The following TTK variants were observed in gnomAD, a reference collection of about 807,000 sequenced individuals.
TTK encodes TTK protein kinase.
Under a neutral mutation model 117.3 loss-of-function variants are expected in TTK, and 59 were observed. The ratio of observed to expected loss-of-function variants is 0.50; its 90% CI spans 0.41 to 0.62. TTK has a LOEUF of 0.62. Ranked by LOEUF, TTK falls within the 20% of genes least tolerant of loss-of-function variation. The pLI is 0.00. For missense variants in TTK, 921 were observed against 989.4 expected (o/e 0.93, Z 0.93); for synonymous variants, 302 against 325.0 (o/e 0.93, Z 0.76).
intron 10 of TTK, among the ~76,000 whole-genome samples, chr6:80,019,297 G>C (rs1767397551): frequency 6.6e-6 from 1 of 152,158 alleles, no homozygotes. Flanking sequence ...GACAAGAAAT[G>C]AGGTGTGATG....
intron 6 of TTK, 40 bp from the exon 7 acceptor site, chr6:80,011,689 T>C (rs1389600268): frequency 1.9e-6 from 3 of 1,601,284 alleles, no homozygotes; most frequent in Non-Finnish European, 2.6e-6. Context: ...CATATTAATA[T>C]TGTTCTTTGA....
chr6:80,004,990 C>T (rs865993812), intron 1 of TTK: 2 of 152,222 alleles, frequency 1.3e-5, no homozygotes, highest in African/African-American at 2.4e-5. Flanking sequence ...CGCACAAGAT[C>T]GTTTTCCAAA....
chr6:80,034,465 C>G (rs1227760699), intron 14 of TTK, among the ~76,000 whole-genome samples: 2 of 152,156 alleles, frequency 1.3e-5, no homozygotes, highest in African/African-American at 4.8e-5. Flanking sequence ...ATTGAATTGA[C>G]TCTGTATCAT....
chr6:80,022,511 C>T, intron 11 of TTK, 39 bp downstream of exon 11: 1 of 1,594,838 alleles, frequency 6.3e-7, no homozygotes, highest in Non-Finnish European at 8.5e-7. Flanking sequence ...CTTTTTTGTT[C>T]ATAATGCATT....
rs200609571 is a variant in TTK at position 80,028,006 on chromosome 6, T to G, written c.1516T>G (p.Leu506Val). ...HQILATPLQN[L>V]QVLASSSANE... ...AATACTTGCCACTCCACTTCAAAAT[T>G]TACAGGTTCGATAAGCTTTATATAT... The change falls in exon 13 of 22, where the codon TTA becomes GTA. Residue 506 changes from leucine (L) to valine (V), a missense_variant. Physicochemically the swap from Leu to Val is conservative, Grantham distance 32. Coordinates refer to ENST00000369798, the MANE Select transcript of TTK (RefSeq NM_003318.5). 7 of 1,599,172 alleles carry G rather than the reference T, an allele frequency of 4.4e-6. No individual in the cohort carries two copies. The African/African-American group carries it at 9.4e-5, about 22-fold the overall frequency.
rs1238412070 is a variant in TTK, at chr6:80,011,534, C to G, written c.714C>G (p.Ala238=). ...ATTCCAGAGGACAGACTACTAAAGC[C>G]AGGTTTTTATATGGGTAAGGAAACG... ...SCDSRGQTTK[A]RFLYGENMPP... The change falls in exon 6 of 22, where the codon GCC becomes GCG. Residue 238 remains alanine (A), a synonymous_variant. Coordinates refer to ENST00000369798, the MANE Select transcript of TTK (RefSeq NM_003318.5). 1 of 1,602,132 alleles carries G rather than the reference C, an allele frequency of 6.2e-7. No individual in the cohort carries two copies. Among genetic ancestry groups the G allele is most frequent in the East Asian group, 2.2e-5 (1 of 44,728 alleles).
chr6:80,025,689 T>C (rs1056205544), intron 11 of TTK, among the ~76,000 whole-genome samples: 2 of 152,174 alleles, frequency 1.3e-5, no homozygotes, highest in African/African-American at 4.8e-5. Context: ...CCATAGACAA[T>C]ATGTAAACAA....
At chr6:80,022,070 G>A (rs900181427) in intron 10 of TTK, among the ~76,000 whole-genome samples, 3 of 152,162 alleles carry the variant, frequency 2.0e-5, no homozygotes, top group Non-Finnish European at 4.4e-5. Context: ...TGGTAAAGAA[G>A]CATTTAAATG....
At chr6:80,015,671 T>C (rs1767288773) in intron 10 of TTK, among the ~76,000 whole-genome samples, 1 of 152,234 alleles carries the variant, frequency 6.6e-6, no homozygotes, top group South Asian at 2.1e-4. Flanking sequence ...TTGTAACTGG[T>C]ATGATTGAGA....
intron 2 of TTK, 27 bp from the exon 3 acceptor site, chr6:80,007,782 G>A (rs986104281): frequency 1.3e-6 from 2 of 1,561,854 alleles, no homozygotes; most frequent in Non-Finnish European, 1.7e-6. Context: ...GTCTTTTCTT[G>A]TGATATATTT....
chr6:80,018,751 CCATTCTTGTCT>C (rs1767382184), intron 10 of TTK, among the ~76,000 whole-genome samples: 1 of 151,918 alleles, frequency 6.6e-6, no homozygotes. Flanking sequence ...ATGATAGGTG[CCATTCTTGTCT>C]CATTCCTTAT....
rs1245495604 is a variant in TTK, at chr6:80,029,543, G to A, written c.1521+1532G>A. On this transcript the variant is annotated intron_variant, in intron 13 of 21. Transcript: ENST00000369798. ...CTGTTTGAGTTGCAATCCAGAAGAC[G>A]AGTCACAGATGACAAGTGAAGGGGC... Among the ~76,000 whole-genome samples, 3 of 152,164 alleles carry A rather than the reference G, an allele frequency of 2.0e-5. No homozygotes were observed. The East Asian group carries it at 5.8e-4, about 29-fold the overall frequency.
At chr6:80,016,681 T>C (rs1047651814) in intron 10 of TTK, among the ~76,000 whole-genome samples, 1 of 152,212 alleles carries the variant, frequency 6.6e-6, no homozygotes, top group Non-Finnish European at 1.5e-5. Context: ...TTTCCCTTTT[T>C]AGTTTCTTAG....
intron 10 of TTK, among the ~76,000 whole-genome samples, chr6:80,018,940 A>G (rs1367223579): frequency 6.6e-6 from 1 of 152,094 alleles, no homozygotes; most frequent in Non-Finnish European, 1.5e-5. Flanking sequence ...TTCTGCATCT[A>G]TTTAGTTAAT....
At position 80,038,051 on chromosome 6, in the gene TTK, C is replaced by T. The variant is rs1274477470; in HGVS notation, c.2130+4C>T. The stretch of plus-strand genomic sequence containing the variant: ...GAATGGGAAATCTAAGTCAAAGGTA[C>T]TGAAAAGATTATTTACATCACAATT... On this transcript the variant is annotated splice_donor_region_variant and intron_variant, in intron 18 of 21. Coordinates refer to ENST00000369798, the MANE Select transcript of TTK (RefSeq NM_003318.5). The T allele has an allele frequency of 1.3e-6, 2 of 1,594,936 alleles. No homozygotes were observed. The highest frequency in any genetic ancestry group is 1.7e-6 in the Non-Finnish European group (2 of 1,166,598).
Position 80,040,795 on chromosome 6 carries a change from C to T in TTK, c.2490+92C>T, listed in dbSNP as rs1768029158. 6 of 1,090,726 alleles carry T rather than the reference C, an allele frequency of 5.5e-6. No individual in the cohort carries two copies. The East Asian group carries it at 9.8e-5, about 18-fold the overall frequency. 67.6% of individuals were successfully genotyped at this position (1,090,726 alleles called of 1,614,324 possible). On this transcript the variant is annotated intron_variant, in intron 21 of 21. Transcript: ENST00000369798. Reference sequence around the variant, plus strand: ...CAGGTAGTCTGAAGAAAAGTTGGTCCAATCATCAGATCAGTTATGAAACAT... The same window carrying T: ...CAGGTAGTCTGAAGAAAAGTTGGTCTAATCATCAGATCAGTTATGAAACAT...
In TTK at chr6:80,035,113, C is replaced by A; in HGVS notation, c.1743C>A (p.His581Gln). Reference sequence around the variant, plus strand: ...CTTATTTGAATAAACTACAACAACACAGTGATAAGATCATCCGACTTTATG... The same window carrying A: ...CTTATTTGAATAAACTACAACAACAAAGTGATAAGATCATCCGACTTTATG... ...EIAYLNKLQQHSDKIIRLYDY... is the reference protein window; with the variant it reads ...EIAYLNKLQQQSDKIIRLYDY... The change falls in exon 15 of 22, where the codon CAC becomes CAA. Residue 581 changes from histidine (H) to glutamine (Q), a missense_variant. By Grantham distance (24) the His-to-Gln change is conservative. Coordinates refer to ENST00000369798, the MANE Select transcript of TTK (RefSeq NM_003318.5). 6.3e-7 allele frequency: 1 copy of A among 1,580,456 alleles called. No individual in the cohort carries two copies. The highest frequency in any genetic ancestry group is 1.2e-5 in the South Asian group (1 of 83,652).
At chr6:80,028,309 A>G (rs909832271) in intron 13 of TTK, among the ~76,000 whole-genome samples, 3 of 149,252 alleles carry the variant, frequency 2.0e-5, no homozygotes, top group Admixed American at 6.6e-5. Flanking sequence ...TTATTTATTT[A>G]TTTATTTATT....
Position 80,040,244 on chromosome 6 carries a change from CT to C in TTK, c.2357del (p.Leu786ArgfsTer24). The C allele has an allele frequency of 6.3e-7, 1 of 1,592,634 alleles. No individual in the cohort carries two copies. Among genetic ancestry groups the C allele is most frequent in the Non-Finnish European group, 8.5e-7 (1 of 1,170,346 alleles). ...PKQRISIPEL[L>X]AHPYVQIQTH... ...ACAGAGGATATCCATTCCTGAGCTC[CT>C]GGCTCATCCATATGTTCAAATTCAA... is the stretch of plus-strand genomic sequence containing the variant. On this transcript the variant is annotated frameshift_variant, in exon 20 of 22. Coordinates refer to ENST00000369798, the MANE Select transcript of TTK (RefSeq NM_003318.5). LOFTEE classifies it high-confidence loss of function.
Sources: gnomAD v4.1 joint callset for allele counts (sites outside exome capture counted in the v4.1 genomes callset) on GRCh38, gnomAD v4.1.1 for gene constraint, MANE v1.5 for transcripts, NCBI Gene and HGNC (gene_info 2026-07-23, HGNC 2026-07-21) for gene names.